PDYN: variants seen among roughly 807,000 people sequenced by gnomAD.
PDYN encodes the protein proenkephalin-B.
In PDYN, 5 loss-of-function variants were observed where a neutral mutation model predicts 11.4. The ratio of observed to expected loss-of-function variants is 0.44; its 90% confidence interval spans 0.23 to 0.92. PDYN has a LOEUF of 0.92. PDYN is among the 40% of genes least tolerant of loss of function. PDYN has a pLI of 0.24. For synonymous variants in PDYN, 132 were observed against 129.5 expected (o/e 1.02, Z -0.13); for missense variants, 337 against 317.3 (o/e 1.06, Z -0.47).
rs768801323 is a variant in PDYN, at chr20:1,980,869, G to C, written c.219C>G (p.Thr73=). 1.5e-5 allele frequency: 24 copies of C among 1,614,082 alleles called. No homozygotes were observed. The highest frequency in any genetic ancestry group is 1.8e-5 in the Non-Finnish European group (21 of 1,180,034). The change falls in exon 4 of 4, where the codon ACC becomes ACG. Residue 73 remains threonine, a synonymous_variant. Transcript: ENST00000217305. ...AGTCCTCCTTGTCATTGAGCCCAAGGGTGGAGGGGGTGAAAAAAGACAGAA... is the reference window on the plus strand; with the variant it reads ...AGTCCTCCTTGTCATTGAGCCCAAGCGTGGAGGGGGTGAAAAAAGACAGAA... The part of the protein sequence containing the change: ...QSFLSFFTPS[T]LGLNDKEDLG...
At position 1,982,786 on chromosome 20, in the gene PDYN, G is replaced by C. The variant is rs1036797958; in HGVS notation, c.129+170C>G. On this transcript the variant is annotated intron_variant, in intron 3 of 3. Coordinates refer to ENST00000217305, the MANE Select transcript of PDYN (RefSeq NM_024411.5). ...TGGCGAGGTCTGGAGTGGGGACACA[G>C]CAGCCCCTGGTGTCCAGGCCATCTA... is the stretch of plus-strand genomic sequence containing the variant. Among the ~76,000 whole-genome samples, 3 of 152,182 alleles carry C rather than the reference G, an allele frequency of 2.0e-5. No individual in the cohort carries two copies. The East Asian group carries it at 5.8e-4, about 29-fold the overall frequency.
At chr20:1,989,195 T>A (rs1340727525) in intron 2 of PDYN, among the ~76,000 whole-genome samples, 1 of 152,294 alleles carries the variant, frequency 6.6e-6, no homozygotes, top group East Asian at 1.9e-4. Context: ...AGTGGATGGA[T>A]CTCTTGCCAG....
At chr20:1,987,016 T>C (rs936117798) in intron 2 of PDYN, among the ~76,000 whole-genome samples, 4 of 152,176 alleles carry the variant, frequency 2.6e-5, no homozygotes, top group Non-Finnish European at 5.9e-5. Context: ...CATCACAAAA[T>C]TACCACTTAC....
At chr20:1,988,415 C>G (rs927087642) in intron 2 of PDYN, among the ~76,000 whole-genome samples, 1 of 152,098 alleles carries the variant, frequency 6.6e-6, no homozygotes, top group Non-Finnish European at 1.5e-5. Flanking sequence ...CAGATGGGCC[C>G]CAGGGGAAGC....
Position 1,980,571 on chromosome 20 carries a change from T to G in PDYN, c.517A>C (p.Lys173Gln). 1 of 1,614,156 alleles carries G rather than the reference T, an allele frequency of 6.2e-7. No homozygotes were observed. Among genetic ancestry groups the G allele is most frequent in the African/African-American group, 1.3e-5 (1 of 75,028 alleles). Residue 173 changes from lysine (K) to glutamine (Q), a missense_variant, in exon 4 of 4, where the codon AAA becomes CAA. Transcript: ENST00000217305. The stretch of plus-strand genomic sequence containing the variant: ...TTGCGCAAAAAGCCCCCATAGCGTT[T>G]GACCTGCTCCTTGGGGTCCTCCTCA... ...LAEEDPKEQV[K>Q]RYGGFLRKYP...
At chr20:1,987,279 G>A (rs181533816) in intron 2 of PDYN, among the ~76,000 whole-genome samples, 6 of 150,886 alleles carry the variant, frequency 4.0e-5, no homozygotes, top group African/African-American at 1.5e-4. Flanking sequence ...ATGAATGAAT[G>A]GTGTCCCAGT....
At chr20:1,991,600 T>C (rs1988451878) in intron 2 of PDYN, among the ~76,000 whole-genome samples, 1 of 152,220 alleles carries the variant, frequency 6.6e-6, no homozygotes, top group Non-Finnish European at 1.5e-5. Context: ...GTGAAACAGG[T>C]TTATCACTTT....
chr20:1,981,059 C>T (rs1004515623), intron 3 of PDYN, 101 bp from the exon 4 acceptor site: 17 of 1,308,852 alleles, frequency 1.3e-5, no homozygotes, highest in South Asian at 2.4e-5. Flanking sequence ...CCAAAATGAA[C>T]GCCACTGCTA....
intron 2 of PDYN, among the ~76,000 whole-genome samples, chr20:1,984,691 G>A (rs550811297): frequency 1.3e-5 from 2 of 152,224 alleles, no homozygotes; most frequent in African/African-American, 4.8e-5. Flanking sequence ...TTGAGTTCAG[G>A]AATTTGAGAC....
intron 2 of PDYN, among the ~76,000 whole-genome samples, chr20:1,983,616 T>A (rs1476822537): frequency 6.6e-6 from 1 of 152,180 alleles, no homozygotes; most frequent in Non-Finnish European, 1.5e-5. Context: ...GGAATTTTTC[T>A]CTCCCACTCT....
At chr20:1,991,385 C>T (rs1044625027) in intron 2 of PDYN, among the ~76,000 whole-genome samples, 3 of 152,208 alleles carry the variant, frequency 2.0e-5, no homozygotes, top group Admixed American at 6.5e-5. Context: ...GGAGGAGCCC[C>T]CTGAGCCAAG....
intron 2 of PDYN, among the ~76,000 whole-genome samples, chr20:1,988,540 C>T (rs1437501063): frequency 1.3e-5 from 2 of 152,168 alleles, no homozygotes; most frequent in Non-Finnish European, 2.9e-5. Context: ...AGGAAAGGAA[C>T]TTTGCCGATC....
intron 3 of PDYN, among the ~76,000 whole-genome samples, chr20:1,982,294 ATC>A (rs1987868512): frequency 6.6e-6 from 1 of 152,172 alleles, no homozygotes; most frequent in Non-Finnish European, 1.5e-5. Context: ...TTCTTTCACT[ATC>A]TCATGGAATC....
At chr20:1,992,396 C>T (rs770434035) in intron 2 of PDYN, among the ~76,000 whole-genome samples, 188 bp downstream of exon 2, 31 of 152,206 alleles carry the variant, frequency 2.0e-4, no homozygotes, top group Non-Finnish European at 8.8e-5. Context: ...ATCCCTTTGC[C>T]TGCTCCCTTA....
intron 2 of PDYN, among the ~76,000 whole-genome samples, chr20:1,990,237 G>C (rs1243053459): frequency 6.6e-6 from 1 of 152,206 alleles, no homozygotes; most frequent in Non-Finnish European, 1.5e-5. Flanking sequence ...GGAAACAGCA[G>C]AATAAGATTT....
intron 2 of PDYN, among the ~76,000 whole-genome samples, chr20:1,992,320 T>C (rs1445820610): frequency 1.3e-5 from 2 of 152,158 alleles, no homozygotes; most frequent in Non-Finnish European, 1.5e-5. Context: ...CAGGAGTTAC[T>C]TCAAGAAACC....
At chr20:1,993,654 G>T (rs940178111) in intron 1 of PDYN, 4 of 152,252 alleles carry the variant, frequency 2.6e-5, no homozygotes, top group African/African-American at 9.6e-5. Flanking sequence ...TGGAGCTAAA[G>T]CCAAAGGGTG....
At chr20:1,985,884 G>A (rs759656751) in intron 2 of PDYN, among the ~76,000 whole-genome samples, 1 of 152,178 alleles carries the variant, frequency 6.6e-6, no homozygotes, top group Non-Finnish European at 1.5e-5. Flanking sequence ...GGGCTGGCCT[G>A]TTAGAAGATC....
At chr20:1,986,572 C>T in intron 2 of PDYN, among the ~76,000 whole-genome samples, 1 of 152,220 alleles carries the variant, frequency 6.6e-6, no homozygotes, top group East Asian at 1.9e-4. Flanking sequence ...TCCCTGTGTG[C>T]CTGCCCCTGT....
Sources: gnomAD v4.1 joint callset for allele counts (sites outside exome capture counted in the v4.1 genomes callset) on GRCh38, gnomAD v4.1.1 for gene constraint, MANE v1.5 for transcripts, NCBI Gene and HGNC (gene_info 2026-07-23, HGNC 2026-07-21) for gene names.